The following MTREX variants were observed in gnomAD, a reference collection of about 807,000 sequenced individuals.
The protein encoded by MTREX is exosome RNA helicase MTR4.
MTREX carries 76 observed loss-of-function variants against 135.4 expected under a neutral mutation model. The ratio of observed to expected loss-of-function variants is 0.56; its 90% CI spans 0.47 to 0.68. MTREX has a LOEUF of 0.68. Ranked by LOEUF, MTREX falls within the 30% of genes least tolerant of loss-of-function variation. The pLI is 0.00. For synonymous variants in MTREX, 404 were observed against 401.6 expected (o/e 1.01, Z -0.07); for missense variants, 920 against 1,262.1 (o/e 0.73, Z 4.11).
At chr5:55,367,662 G>C (rs1454085510) in intron 16 of MTREX, among the ~76,000 whole-genome samples, 1 of 152,102 alleles carries the variant, frequency 6.6e-6, no homozygotes, top group Non-Finnish European at 1.5e-5. Flanking sequence ...GCTTACTAAA[G>C]CACAAAAAGT....
chr5:55,340,123 G>C lies in MTREX; in HGVS notation c.629G>C (p.Gly210Ala). ...REMYEEFQDV[G>A]LMTGDVTINP... ...ATGTATGAAGAATTTCAAGATGTTG[G>C]TTTGATGACTGGTGATGTTACTATT... The change falls in exon 6 of 27, where the codon GGT becomes GCT. Residue 210 changes from glycine (G) to alanine (A), a missense_variant. By Grantham distance (60) the Gly-to-Ala change is moderately conservative. Coordinates refer to ENST00000230640, the MANE Select transcript of MTREX (RefSeq NM_015360.5). 1.2e-6 allele frequency: 2 copies of C among 1,604,166 alleles called. No homozygotes were observed. Among genetic ancestry groups the C allele is most frequent in the African/African-American group, 2.7e-5 (2 of 74,356 alleles).
chr5:55,356,410 G>A lies in MTREX; in HGVS notation c.1534-2163G>A, dbSNP rs1749914862. On this transcript the variant is annotated intron_variant, in intron 14 of 26. Transcript: ENST00000230640. ...GTCAAGTGGCTTTAACACGTGGACT[G>A]GGCATATTTGGTGCTCTGGCAGTGT... 3 of 202,114 alleles carry A rather than the reference G, an allele frequency of 1.5e-5. No individual in the cohort carries two copies. The South Asian group carries it at 3.0e-4, about 20-fold the overall frequency. The allele number at this position is 202,114 out of a possible 1,614,324, so 12.5% of individuals were successfully genotyped here.
At chr5:55,330,816 T>TA (rs1168936377) in intron 5 of MTREX, among the ~76,000 whole-genome samples, 1 of 152,146 alleles carries the variant, frequency 6.6e-6, no homozygotes, top group Non-Finnish European at 1.5e-5. Flanking sequence ...AAGTTATACT[T>TA]ACAGCAGGCC....
At chr5:55,345,232 G>GT (rs770444728) in intron 10 of MTREX, 36 bp downstream of exon 10, 1 of 1,336,086 alleles carries the variant, frequency 7.5e-7, no homozygotes, top group South Asian at 1.2e-5. Flanking sequence ...AATTTTACAT[G>GT]TAAATTGTAT....
chr5:55,390,260 G>C (rs1344564176), intron 19 of MTREX, among the ~76,000 whole-genome samples: 1 of 152,014 alleles, frequency 6.6e-6, no homozygotes, highest in Admixed American at 6.6e-5. Context: ...TCGCCGCCGT[G>C]CCCGGCTAAT....
In MTREX at chr5:55,415,977, C is replaced by CT; in HGVS notation, c.2817dup (p.Lys940Ter). 6.3e-7 allele frequency: 1 copy of CT among 1,587,974 alleles called. No homozygotes were observed. The highest frequency in any genetic ancestry group is 8.5e-7 in the Non-Finnish European group (1 of 1,170,532). On this transcript the variant is annotated frameshift_variant, in exon 25 of 27. Transcript: ENST00000230640. LOFTEE classifies it high-confidence loss of function. ...ACTCTTTTATCTTTAAAGGAATGTGCTAAAAGAATTGCAAAAGTTTCAGCA... is the reference window on the plus strand; with the variant it reads ...ACTCTTTTATCTTTAAAGGAATGTGCTTAAAAGAATTGCAAAAGTTTCAGCA...
intron 15 of MTREX, among the ~76,000 whole-genome samples, chr5:55,365,841 AT>A (rs1214402421): frequency 6.6e-6 from 1 of 152,108 alleles, no homozygotes; most frequent in Non-Finnish European, 1.5e-5. Flanking sequence ...AATACAAAAA[AT>A]TAGCTGGGCC....
rs1018715580 is a variant in MTREX at position 55,416,159 on chromosome 5, T to A, written c.2971+27T>A. 8.9e-6 allele frequency: 13 copies of A among 1,454,152 alleles called. No individual in the cohort carries two copies. In the Admixed American group the frequency reaches 2.2e-4, roughly 25 times the overall value. 90.1% of individuals were successfully genotyped at this position (1,454,152 alleles called of 1,614,324 possible). On this transcript the variant is annotated intron_variant, in intron 25 of 26. Coordinates refer to ENST00000230640, the MANE Select transcript of MTREX (RefSeq NM_015360.5). Reference sequence around the variant, plus strand: ...TATGGTTAAATTTTACACATATATATTTACAGTATAAGAAATACAGTTAGG... The same window carrying A: ...TATGGTTAAATTTTACACATATATAATTACAGTATAAGAAATACAGTTAGG...
chr5:55,340,199 G>T lies in MTREX; in HGVS notation c.690+15G>T. ...TGACCACAGAGGTAATTCATGTAGT[G>T]CCTCATCTGACTTTTCGTTTTTAAT... On this transcript the variant is annotated intron_variant, in intron 6 of 26. Coordinates refer to ENST00000230640, the MANE Select transcript of MTREX (RefSeq NM_015360.5). 6.7e-7 allele frequency: 1 copy of T among 1,500,334 alleles called. No individual in the cohort carries two copies. Among genetic ancestry groups the T allele is most frequent in the East Asian group, 2.5e-5 (1 of 40,326 alleles). 92.9% of individuals were successfully genotyped at this position (1,500,334 alleles called of 1,614,324 possible).
intron 11 of MTREX, among the ~76,000 whole-genome samples, chr5:55,349,322 G>A (rs773408719): frequency 1.3e-5 from 2 of 151,860 alleles, no homozygotes; most frequent in Non-Finnish European, 2.9e-5. Flanking sequence ...AGGTAGCTGG[G>A]ACTACAGGTG....
intron 20 of MTREX, among the ~76,000 whole-genome samples, chr5:55,398,210 A>G (rs999699075): frequency 2.0e-5 from 3 of 151,980 alleles, no homozygotes; most frequent in Non-Finnish European, 2.9e-5. Flanking sequence ...ACTGCACTCT[A>G]GCATGTGCAA....
intron 16 of MTREX, among the ~76,000 whole-genome samples, chr5:55,372,569 GGT>G (rs1166728102): frequency 6.6e-6 from 1 of 152,108 alleles, no homozygotes; most frequent in Non-Finnish European, 1.5e-5. Context: ...GAAGCACACT[GGT>G]TACATAGAGC....
At chr5:55,404,344 T>G (rs771116503) in intron 21 of MTREX, among the ~76,000 whole-genome samples, 17 of 152,234 alleles carry the variant, frequency 1.1e-4, no homozygotes, top group Non-Finnish European at 2.1e-4. Flanking sequence ...ACTTATCTAC[T>G]CTAAAGGATG....
At chr5:55,383,337 G>A (rs1395222638) in intron 18 of MTREX, among the ~76,000 whole-genome samples, 1 of 152,010 alleles carries the variant, frequency 6.6e-6, no homozygotes, top group Non-Finnish European at 1.5e-5. Context: ...TTCTTTTTGT[G>A]TTTCTTGTAA....
intron 5 of MTREX, among the ~76,000 whole-genome samples, chr5:55,337,804 C>A (rs1386787521): frequency 6.8e-6 from 1 of 148,050 alleles, no homozygotes; most frequent in African/African-American, 2.5e-5. Flanking sequence ...TTTTTTTGAT[C>A]CTTATTTTTC....
At chr5:55,349,922 T>C (rs1402041043) in intron 12 of MTREX, among the ~76,000 whole-genome samples, 2 of 152,244 alleles carry the variant, frequency 1.3e-5, no homozygotes, top group Non-Finnish European at 1.5e-5. Flanking sequence ...TTTTTAATGC[T>C]AGTTTTAAGT....
At chr5:55,380,725 A>C (rs1193577211) in intron 18 of MTREX, among the ~76,000 whole-genome samples, 1 of 149,960 alleles carries the variant, frequency 6.7e-6, no homozygotes, top group Non-Finnish European at 1.5e-5. Context: ...AATACTGAGG[A>C]TTTTTCATGC....
chr5:55,377,319 T>A (rs1358927181), intron 16 of MTREX, among the ~76,000 whole-genome samples: 3 of 151,876 alleles, frequency 2.0e-5, no homozygotes, highest in Non-Finnish European at 4.4e-5. Flanking sequence ...AGAGCGAGAC[T>A]CCGTCTCTAA....
intron 5 of MTREX, among the ~76,000 whole-genome samples, chr5:55,332,529 A>G (rs908724327): frequency 6.6e-6 from 1 of 152,300 alleles, no homozygotes; most frequent in East Asian, 1.9e-4. Flanking sequence ...TGGGTAATTT[A>G]TAAAGAAAGG....
Sources: gnomAD v4.1 joint callset for allele counts (sites outside exome capture counted in the v4.1 genomes callset) on GRCh38, gnomAD v4.1.1 for gene constraint, MANE v1.5 for transcripts, NCBI Gene and HGNC (gene_info 2026-07-23, HGNC 2026-07-21) for gene names.